Variants in TMEM135 observed in about 807,000 individuals in gnomAD.
The protein encoded by TMEM135 is peroxisomal membrane protein 52.
Under a neutral mutation model 60.3 loss-of-function variants are expected in TMEM135, and 30 were observed. The ratio of observed to expected loss-of-function variants is 0.50; its 90% CI spans 0.37 to 0.68. TMEM135 has a LOEUF of 0.68. Ranked by LOEUF, TMEM135 falls within the 30% of genes least tolerant of loss-of-function variation. The pLI is 0.00. For missense variants in TMEM135, 468 were observed against 548.8 expected (o/e 0.85, Z 1.47); for synonymous variants, 190 against 186.7 (o/e 1.02, Z -0.14).
intron 4 of TMEM135, among the ~76,000 whole-genome samples, chr11:87,149,481 G>A (rs1280666784): frequency 1.3e-5 from 2 of 152,170 alleles, no homozygotes; most frequent in African/African-American, 4.8e-5. Context: ...GAGGAAGAGA[G>A]TTTAGTTATA....
At chr11:87,163,795 T>C (rs1239348246) in intron 5 of TMEM135, among the ~76,000 whole-genome samples, 8 of 143,632 alleles carry the variant, frequency 5.6e-5, no homozygotes, top group African/African-American at 7.9e-5. Context: ...CCAGTGATGA[T>C]GAGCATTTTT....
At chr11:87,162,308 G>A (rs942496661) in intron 5 of TMEM135, among the ~76,000 whole-genome samples, 1 of 151,974 alleles carries the variant, frequency 6.6e-6, no homozygotes, top group Admixed American at 6.6e-5. Context: ...TGCCATGGTA[G>A]TTTGATGCAC....
chr11:87,107,271 T>C (rs932209124), intron 4 of TMEM135, among the ~76,000 whole-genome samples: 3 of 152,270 alleles, frequency 2.0e-5, no homozygotes, highest in African/African-American at 7.2e-5. Flanking sequence ...TATTCATAGT[T>C]TTTTTTATTA....
At chr11:87,308,403 T>C (rs888842677) in intron 9 of TMEM135, among the ~76,000 whole-genome samples, 1 of 152,218 alleles carries the variant, frequency 6.6e-6, no homozygotes, top group Admixed American at 6.5e-5. Context: ...AAGCAAATGC[T>C]TGAGAATTCA....
In TMEM135 at chr11:87,319,058, G is replaced by A. The variant is rs543910705; in HGVS notation, c.1177-252G>A. ...TAATTTTTGTATTTTCAGTAGAGAC[G>A]GGTTTTCTCCATGTTGGTTAGGCTG... On this transcript the variant is annotated intron_variant, in intron 13 of 14. Coordinates refer to ENST00000305494, the MANE Select transcript of TMEM135 (RefSeq NM_022918.4). 7.7e-5 allele frequency: 31 copies of A among 403,934 alleles called. No homozygotes were observed. In the East Asian group the frequency reaches 1.2e-3, roughly 15 times the overall value. The allele number at this position is 403,934 out of a possible 1,614,324, so 25.0% of individuals were successfully genotyped here. A position where few individuals can be genotyped will look rare whatever the true frequency, so the allele number is the denominator to read the frequency against.
At chr11:87,112,495 A>C (rs1857780216) in intron 4 of TMEM135, among the ~76,000 whole-genome samples, 1 of 151,964 alleles carries the variant, frequency 6.6e-6, no homozygotes, top group Non-Finnish European at 1.5e-5. Flanking sequence ...ATATTTAGTA[A>C]TTTTCAAAAA....
At chr11:87,273,584 C>T (rs1160150682) in intron 6 of TMEM135, among the ~76,000 whole-genome samples, 2 of 151,900 alleles carry the variant, frequency 1.3e-5, no homozygotes, top group East Asian at 1.9e-4. Context: ...AAAAACTGAA[C>T]TAATAAATTC....
intron 4 of TMEM135, among the ~76,000 whole-genome samples, chr11:87,155,200 C>T (rs868190642): frequency 2.5e-4 from 38 of 151,984 alleles, no homozygotes; most frequent in African/African-American, 8.2e-4. Flanking sequence ...GGTTTCACCA[C>T]GTTGGCCAGG....
chr11:87,203,114 A>G (rs1205653783), intron 5 of TMEM135, among the ~76,000 whole-genome samples: 1 of 151,622 alleles, frequency 6.6e-6, no homozygotes, highest in African/African-American at 2.4e-5. Flanking sequence ...CATATACCCA[A>G]TGGCCCCACA....
At chr11:87,254,469 A>T (rs893602067) in intron 6 of TMEM135, among the ~76,000 whole-genome samples, 15 of 152,290 alleles carry the variant, frequency 9.8e-5, no homozygotes, top group African/African-American at 3.6e-4. Flanking sequence ...CTTTCATTTT[A>T]AATTTGTCAT....
intron 6 of TMEM135, among the ~76,000 whole-genome samples, chr11:87,244,976 T>C (rs1291529421): frequency 6.6e-6 from 1 of 151,828 alleles, no homozygotes; most frequent in Non-Finnish European, 1.5e-5. Context: ...CTGTTTTCTC[T>C]TGTGGGCATT....
chr11:87,143,360 TTCTTTC>T (rs1232773577), intron 4 of TMEM135, among the ~76,000 whole-genome samples: 3 of 133,428 alleles, frequency 2.2e-5, no homozygotes, highest in African/African-American at 8.4e-5. Flanking sequence ...TTTTCTTTCT[TTCTTTC>T]TTTTTTTTTT....
intron 4 of TMEM135, among the ~76,000 whole-genome samples, chr11:87,155,917 G>A (rs1274889870): frequency 6.6e-6 from 1 of 152,138 alleles, no homozygotes; most frequent in Non-Finnish European, 1.5e-5. Context: ...TACAACCTTA[G>A]TGTCAGAAAT....
rs1942941252 is a variant in TMEM135, at chr11:87,328,094, C to T, written c.*6761C>T. 2.2e-6 allele frequency: 1 copy of T among 453,946 alleles called. No individual in the cohort carries two copies. Among genetic ancestry groups the T allele is most frequent in the Non-Finnish European group, 4.4e-6 (1 of 226,792 alleles). The allele number at this position is 453,946 out of a possible 1,614,324, so 28.1% of individuals were successfully genotyped here. A position where few individuals can be genotyped will look rare whatever the true frequency, so the allele number is the denominator to read the frequency against. Reference sequence around the variant, plus strand: ...AGTCAAGTTGATGCCTAAAATTAACCATCACAGGCTTTATGGCTCTATTAC... The same window carrying T: ...AGTCAAGTTGATGCCTAAAATTAACTATCACAGGCTTTATGGCTCTATTAC... On this transcript the variant is annotated 3_prime_UTR_variant, in exon 15 of 15. Transcript: ENST00000305494.
intron 7 of TMEM135, among the ~76,000 whole-genome samples, chr11:87,300,911 A>G (rs1942434979): frequency 6.8e-6 from 1 of 147,112 alleles, no homozygotes; most frequent in Admixed American, 6.9e-5. Flanking sequence ...AATCTGAAAC[A>G]GTAAATCCTG....
At chr11:87,302,204 C>T (rs1208306646) in intron 7 of TMEM135, 92 bp from the exon 8 acceptor site, 2 of 1,305,488 alleles carry the variant, frequency 1.5e-6, no homozygotes, top group African/African-American at 1.5e-5. Flanking sequence ...AAATACTTGC[C>T]AAAGCGTATT....
intron 5 of TMEM135, among the ~76,000 whole-genome samples, chr11:87,202,125 A>G (rs995598214): frequency 1.2e-4 from 18 of 152,060 alleles, no homozygotes; most frequent in African/African-American, 4.3e-4. Context: ...TCCCTGATTC[A>G]AGTGATTCTC....
At chr11:87,239,929 A>C (rs1941092646) in intron 6 of TMEM135, among the ~76,000 whole-genome samples, 1 of 152,126 alleles carries the variant, frequency 6.6e-6, no homozygotes, top group African/African-American at 2.4e-5. Context: ...AGCTCTTAAT[A>C]GTTTTTTAAT....
chr11:87,215,388 C>A (rs547697356), intron 5 of TMEM135, among the ~76,000 whole-genome samples: 1 of 152,308 alleles, frequency 6.6e-6, no homozygotes, highest in East Asian at 1.9e-4. Flanking sequence ...CTTAGCTGGA[C>A]AGCTCTTCTG....
Sources: gnomAD v4.1 joint callset for allele counts (sites outside exome capture counted in the v4.1 genomes callset) on GRCh38, gnomAD v4.1.1 for gene constraint, MANE v1.5 for transcripts, NCBI Gene and HGNC (gene_info 2026-07-23, HGNC 2026-07-21) for gene names.